Variants in VDAC2 observed in about 807,000 individuals in gnomAD.
The protein encoded by VDAC2 is non-selective voltage-gated ion channel VDAC2.
Under a neutral mutation model 36.6 loss-of-function variants are expected in VDAC2, and 6 were observed. The ratio of observed to expected loss-of-function variants is 0.16; its 90% CI spans 0.09 to 0.32. The LOEUF is 0.32. Among genes scored for constraint, VDAC2 ranks in the 10% least tolerant of loss-of-function variants. The probability of loss-of-function intolerance (pLI) is 1.00; values close to 1 mark genes in which losing one functional copy is unlikely to be tolerated. For synonymous variants in VDAC2, 109 were observed against 123.8 expected (o/e 0.88, Z 0.79); for missense variants, 247 against 346.0 (o/e 0.71, Z 2.27).
rs1430959237 is a variant in VDAC2, at chr10:75,220,755, T to G, written c.369T>G (p.Gly123=). The change falls in exon 7 of 10, where the codon GGT becomes GGG. Residue 123 remains glycine (G), a synonymous_variant. Coordinates refer to ENST00000332211, the MANE Select transcript of VDAC2 (RefSeq NM_001391963.1). ...GTTCTTTTTCCAGAAAGAAAAGTGG[T>G]AAAATCAAGTCTTCTTACAAGAGGG... is the stretch of plus-strand genomic sequence containing the variant. ...TFSPNTGKKS[G]KIKSSYKREC... The G allele has an allele frequency of 6.2e-7, 1 of 1,608,560 alleles. No individual in the cohort carries two copies. Among genetic ancestry groups the G allele is most frequent in the East Asian group, 2.2e-5 (1 of 44,812 alleles).
At chr10:75,216,481 A>T (rs1467903658) in intron 4 of VDAC2, among the ~76,000 whole-genome samples, 1 of 152,224 alleles carries the variant, frequency 6.6e-6, no homozygotes, top group African/African-American at 2.4e-5. Context: ...CATGTAACTC[A>T]ACAACCATGG....
intron 8 of VDAC2, among the ~76,000 whole-genome samples, chr10:75,224,918 C>T (rs1002036271): frequency 1.3e-5 from 2 of 152,182 alleles, no homozygotes; most frequent in Admixed American, 6.5e-5. Context: ...TAAAGGCTGA[C>T]AAATGGGGAA....
intron 2 of VDAC2, chr10:75,211,773 C>A: frequency 7.6e-7 from 1 of 1,323,318 alleles, no homozygotes; most frequent in Non-Finnish European, 1.1e-6. Flanking sequence ...AATTCTCTTC[C>A]CACTCCAGGG....
At chr10:75,211,466 G>A in intron 2 of VDAC2, 2 of 1,507,196 alleles carry the variant, frequency 1.3e-6, no homozygotes, top group Non-Finnish European at 1.8e-6. Context: ...GTTAATTGGG[G>A]ATTCTGCCTT....
At chr10:75,221,069 C>A in intron 7 of VDAC2, 99 bp downstream of exon 7, 2 of 1,256,912 alleles carry the variant, frequency 1.6e-6, no homozygotes, top group South Asian at 1.5e-5. Context: ...AAGGATTTCT[C>A]ATAACATTTA....
chr10:75,227,576 A>AGTTTTTTTTTTTTTTTT (rs1841989654), intron 8 of VDAC2, among the ~76,000 whole-genome samples: 3 of 90,768 alleles, frequency 3.3e-5, no homozygotes, highest in African/African-American at 1.6e-4. Flanking sequence ...AAATAATAGG[A>AGTTTTTTTTTTTTTTTT]ATTTTTTTTT....
At position 75,220,981 on chromosome 10, in the gene VDAC2, C is replaced by A. The variant is rs756069023; in HGVS notation, c.584+11C>A. 3 of 1,608,638 alleles carry A rather than the reference C, an allele frequency of 1.9e-6. No individual in the cohort carries two copies. The highest frequency in any genetic ancestry group is 2.6e-6 in the Non-Finnish European group (3 of 1,175,780). ...GCTACACACTAATGTGTAAGTATTTCTTTCATAGGATACTGTGATGTGGGC... is the reference window on the plus strand; with the variant it reads ...GCTACACACTAATGTGTAAGTATTTATTTCATAGGATACTGTGATGTGGGC... On this transcript the variant is annotated intron_variant, in intron 7 of 9. Coordinates refer to ENST00000332211, the MANE Select transcript of VDAC2 (RefSeq NM_001391963.1).
chr10:75,227,941 C>G (rs1293581440), intron 8 of VDAC2, among the ~76,000 whole-genome samples: 1 of 149,178 alleles, frequency 6.7e-6, no homozygotes, highest in Non-Finnish European at 1.5e-5. Flanking sequence ...GTAGCCCAGG[C>G]TGGAGTGCAG....
intron 4 of VDAC2, 84 bp downstream of exon 4, chr10:75,214,154 T>C: frequency 1.4e-6 from 2 of 1,417,264 alleles, no homozygotes; most frequent in South Asian, 1.2e-5. Context: ...GATGTCTACC[T>C]GTTTTGTCTT....
At chr10:75,227,527 T>C (rs930197338) in intron 8 of VDAC2, among the ~76,000 whole-genome samples, 1 of 151,714 alleles carries the variant, frequency 6.6e-6, no homozygotes, top group African/African-American at 2.4e-5. Context: ...TTATTTTTTC[T>C]ACTCCTTATC....
intron 6 of VDAC2, among the ~76,000 whole-genome samples, chr10:75,220,194 C>T (rs947015795): frequency 6.6e-6 from 1 of 151,826 alleles, no homozygotes; most frequent in Non-Finnish European, 1.5e-5. Context: ...CAACCTCTGC[C>T]TCCTGGGTTG....
In VDAC2 at chr10:75,222,415, G is replaced by A. The variant is rs780971170; in HGVS notation, c.735+13G>A. 1.9e-6 allele frequency: 3 copies of A among 1,613,736 alleles called. No individual in the cohort carries two copies. In the South Asian group the frequency reaches 3.3e-5, roughly 18 times the overall value. On this transcript the variant is annotated intron_variant, in intron 8 of 9. Coordinates refer to ENST00000332211, the MANE Select transcript of VDAC2 (RefSeq NM_001391963.1). ...TGCTTCCATTTCTGTGAGTACTTTTGTGGACTTAGAATGGGGGTTTTGGTT... is the reference window on the plus strand; with the variant it reads ...TGCTTCCATTTCTGTGAGTACTTTTATGGACTTAGAATGGGGGTTTTGGTT...
chr10:75,211,278 CA>C, intron 2 of VDAC2, 89 bp downstream of exon 2: 1 of 1,536,380 alleles, frequency 6.5e-7, no homozygotes, highest in Non-Finnish European at 8.8e-7. Flanking sequence ...CCTATCTTTC[CA>C]AGAACTTGGA....
chr10:75,213,087 GT>G (rs376640206), intron 3 of VDAC2, among the ~76,000 whole-genome samples: 2 of 150,286 alleles, frequency 1.3e-5, no homozygotes, highest in Non-Finnish European at 3.0e-5. Flanking sequence ...TTTTGTTTTT[GT>G]TTTTTTTTGA....
rs1179015602 is a variant in VDAC2, at chr10:75,220,979, T to G, written c.584+9T>G. On this transcript the variant is annotated intron_variant, in intron 7 of 9. Transcript: ENST00000332211. ...CAGCTACACACTAATGTGTAAGTAT[T>G]TCTTTCATAGGATACTGTGATGTGG... The G allele has an allele frequency of 1.2e-6, 2 of 1,609,602 alleles. No individual in the cohort carries two copies. Among genetic ancestry groups the G allele is most frequent in the Non-Finnish European group, 8.5e-7 (1 of 1,176,556 alleles).
At chr10:75,221,160 TGA>T (rs1462110908) in intron 7 of VDAC2, 190 bp downstream of exon 7, 5 of 572,744 alleles carry the variant, frequency 8.7e-6, no homozygotes, top group African/African-American at 1.9e-5. Flanking sequence ...CCTTTGGTGC[TGA>T]GAGAGTAAAT....
chr10:75,223,427 G>A (rs1440978192), intron 8 of VDAC2, among the ~76,000 whole-genome samples: 1 of 152,162 alleles, frequency 6.6e-6, no homozygotes, highest in East Asian at 1.9e-4. Flanking sequence ...GCTACTAGGA[G>A]TTCATAGTTA....
intron 4 of VDAC2, among the ~76,000 whole-genome samples, chr10:75,218,404 C>T (rs1307315414): frequency 6.6e-6 from 1 of 152,164 alleles, no homozygotes; most frequent in Non-Finnish European, 1.5e-5. Context: ...CATGAGCCAC[C>T]ACACTCAGTC....
At chr10:75,224,532 A>G (rs543537625) in intron 8 of VDAC2, among the ~76,000 whole-genome samples, 24 of 152,328 alleles carry the variant, frequency 1.6e-4, no homozygotes, top group African/African-American at 3.8e-4. Context: ...GTGCTCAGGT[A>G]CTTAAAAATT....
Sources: allele counts gnomAD v4.1 joint callset (sites outside exome capture counted in the v4.1 genomes callset), GRCh38; gene constraint gnomAD v4.1.1; transcripts MANE v1.5; gene names NCBI Gene and HGNC (gene_info 2026-07-23, HGNC 2026-07-21).